Variants in CDV3 observed in about 807,000 individuals in gnomAD.
CDV3 encodes CDV3 homolog, also known as protein CDV3 homolog.
CDV3 carries 14 observed loss-of-function variants against 24.5 expected under a neutral mutation model. The observed-to-expected ratio is 0.57, with a 90% CI of 0.38 to 0.89. CDV3 has a LOEUF of 0.89. Ranked by LOEUF, CDV3 falls within the 40% of genes least tolerant of loss-of-function variation. The probability of loss-of-function intolerance (pLI) is 0.00; values close to 1 mark genes in which losing one functional copy is unlikely to be tolerated. For missense variants in CDV3, 304 were observed against 310.2 expected, an observed-to-expected ratio of 0.98 and a Z score of 0.15; for synonymous variants, 114 against 114.1, an observed-to-expected ratio of 1.00 and a Z score of 0.00.
chr3:133,579,674 C>T (rs1174940307), intron 2 of CDV3, among the ~76,000 whole-genome samples: 1 of 152,048 alleles, frequency 6.6e-6, no homozygotes, highest in Non-Finnish European at 1.5e-5. Flanking sequence ...CTCACTGCAA[C>T]CTCCACCTCC....
chr3:133,575,213 T>C, intron 2 of CDV3, 98 bp downstream of exon 2: 2 of 696,510 alleles, frequency 2.9e-6, no homozygotes, highest in South Asian at 3.3e-5. Flanking sequence ...CATAGTAGCC[T>C]TGTGCTCTAG....
intron 4 of CDV3, 77 bp from the exon 5 acceptor site, chr3:133,587,819 T>C: frequency 6.6e-7 from 1 of 1,517,104 alleles, no homozygotes; most frequent in Non-Finnish European, 8.8e-7. Flanking sequence ...GTGGCTTTTT[T>C]TTAAATTCAA....
chr3:133,576,841 C>CTTTTTTTTTGTTTTTTTTTTTT (rs2074828274), intron 2 of CDV3, among the ~76,000 whole-genome samples: 2 of 62,388 alleles, frequency 3.2e-5, no homozygotes, highest in Non-Finnish European at 5.6e-5. Flanking sequence ...GGTAGACTAG[C>CTTTTTTTTTGTTTTTTTTTTTT]TTTTTTTTTT....
At chr3:133,585,021 T>G (rs187472704) in intron 3 of CDV3, among the ~76,000 whole-genome samples, 321 of 152,322 alleles carry the variant, frequency 2.1e-3, no homozygotes, top group Non-Finnish European at 3.3e-3. Context: ...AATCTTGTTA[T>G]GCAGAAATCA....
Position 133,576,841 on chromosome 3 carries a change from CTTT to C in CDV3, c.317+1747_317+1749del, listed in dbSNP as rs370619351. On this transcript the variant is annotated intron_variant, in intron 2 of 4. Transcript: ENST00000264993. ...TCTGTTCAACCTGAAGGTAGACTAG[CTTT>C]TTTTTTTTTTTTTTTTTTTTGAGAC... is the stretch of plus-strand genomic sequence containing the variant. 4.2e-3 allele frequency among the ~76,000 whole-genome samples: 263 copies of C among 62,374 alleles called. 1 individual carries two copies. Among genetic ancestry groups the C allele is most frequent in the African/African-American group, 0.015 (216 of 14,718 alleles). 40.9% of individuals were successfully genotyped at this position (62,374 alleles called of 152,430 possible). A position where few individuals can be genotyped will look rare whatever the true frequency, so the allele number is the denominator to read the frequency against.
chr3:133,575,071 AG>A lies in CDV3; in HGVS notation c.274del (p.Glu92ArgfsTer14). 1 of 1,607,096 alleles carries A rather than the reference AG, an allele frequency of 6.2e-7. No homozygotes were observed. The highest frequency in any genetic ancestry group is 8.5e-7 in the Non-Finnish European group (1 of 1,173,616). ...ATGAATGGAAAGAATTGGAGCAAAA[AG>A]AGGTTGATTACAGCGGCCTCAGGGT... ...EDEWKELEQKEVDYSGLRVQA... is the reference protein window; with the variant it reads ...EDEWKELEQKXVDYSGLRVQA... On this transcript the variant is annotated frameshift_variant, in exon 2 of 5. Coordinates refer to ENST00000264993, the MANE Select transcript of CDV3 (RefSeq NM_017548.5). LOFTEE classifies it high-confidence loss of function.
At chr3:133,574,356 C>G in intron 1 of CDV3, 72 bp downstream of exon 1, 1 of 918,268 alleles carries the variant, frequency 1.1e-6, no homozygotes, top group Non-Finnish European at 1.3e-6. Context: ...CCCCCGCCTG[C>G]CGGGGAAGCG....
intron 2 of CDV3, among the ~76,000 whole-genome samples, chr3:133,580,125 C>A (rs2074959329): frequency 6.6e-6 from 1 of 152,000 alleles, no homozygotes; most frequent in African/African-American, 2.4e-5. Context: ...CCCCCAGTCC[C>A]CCACCCCCCA....
In CDV3 at chr3:133,575,060, T is replaced by C. The variant is rs1335136516; in HGVS notation, c.262T>C (p.Leu88=). 1 of 1,605,326 alleles carries C rather than the reference T, an allele frequency of 6.2e-7. No homozygotes were observed. Among genetic ancestry groups the C allele is most frequent in the Admixed American group, 1.7e-5 (1 of 60,000 alleles). ...ACAGGACGAAGATGAATGGAAAGAA[T>C]TGGAGCAAAAAGAGGTTGATTACAG... ...VTKDEDEWKE[L]EQKEVDYSGL... is the part of the protein sequence containing the mutation. The change falls in exon 2 of 5, where the codon TTG becomes CTG. Residue 88 remains leucine, a synonymous_variant. Coordinates refer to ENST00000264993, the MANE Select transcript of CDV3 (RefSeq NM_017548.5).
In CDV3 at chr3:133,575,132, A is replaced by AT. The variant is rs758142764; in HGVS notation, c.317+17_317+18insT. ...GCAAATAAGGTATAGTCTGGTTACA[A>AT]ATGTGTTTAGATAACCTTTGGGATA... On this transcript the variant is annotated intron_variant, in intron 2 of 4. Transcript: ENST00000264993. 2.2e-6 allele frequency: 3 copies of AT among 1,394,276 alleles called. No homozygotes were observed. Among genetic ancestry groups the AT allele is most frequent in the Non-Finnish European group, 3.1e-6 (3 of 980,684 alleles). The allele number at this position is 1,394,276 out of a possible 1,614,324, so 86.4% of individuals were successfully genotyped here.
In CDV3 at chr3:133,576,841, CTTTTTTT is replaced by C. The variant is rs370619351; in HGVS notation, c.317+1743_317+1749del. On this transcript the variant is annotated intron_variant, in intron 2 of 4. Transcript: ENST00000264993. ...TCTGTTCAACCTGAAGGTAGACTAG[CTTTTTTT>C]TTTTTTTTTTTTTTTTGAGACGAAG... 1.1e-3 allele frequency among the ~76,000 whole-genome samples: 71 copies of C among 62,392 alleles called. 3 individuals carry two copies. Among genetic ancestry groups the C allele is most frequent in the Middle Eastern group, 0.015 (1 of 66 alleles). 40.9% of individuals were successfully genotyped at this position (62,392 alleles called of 152,430 possible).
In CDV3 at chr3:133,588,502, C is replaced by T. The variant is rs542208073; in HGVS notation, c.*456C>T. ...GCTCTACTGGATTCTTATCAGAAATCCTGCATAAAAAGTCAGCCATCTGGG... is the reference window on the plus strand; with the variant it reads ...GCTCTACTGGATTCTTATCAGAAATTCTGCATAAAAAGTCAGCCATCTGGG... On this transcript the variant is annotated 3_prime_UTR_variant, in exon 5 of 5. Transcript: ENST00000264993. 3.3e-6 allele frequency: 3 copies of T among 909,842 alleles called. No individual in the cohort carries two copies. The South Asian group carries it at 4.7e-5, about 14-fold the overall frequency. The allele number at this position is 909,842 out of a possible 1,614,324, so 56.4% of individuals were successfully genotyped here. A position where few individuals can be genotyped will look rare whatever the true frequency, so the allele number is the denominator to read the frequency against.
At chr3:133,575,472 C>G (rs2074770088) in intron 2 of CDV3, among the ~76,000 whole-genome samples, 1 of 152,152 alleles carries the variant, frequency 6.6e-6, no homozygotes, top group Admixed American at 6.5e-5. Context: ...TTTTCACATC[C>G]TCTCCAATAA....
chr3:133,574,611 A>G, intron 1 of CDV3: 2 of 1,006,218 alleles, frequency 2.0e-6, no homozygotes, highest in Non-Finnish European at 2.4e-6. Flanking sequence ...TAGGCTGAGT[A>G]ATTCCGTGTG....
intron 2 of CDV3, among the ~76,000 whole-genome samples, chr3:133,576,035 C>T (rs1374246158): frequency 1.3e-5 from 2 of 152,220 alleles, no homozygotes; most frequent in African/African-American, 2.4e-5. Flanking sequence ...GAAATACTTT[C>T]CTTAACTGAA....
chr3:133,574,969 G>T, intron 1 of CDV3, 70 bp from the exon 2 acceptor site: 1 of 963,792 alleles, frequency 1.0e-6, no homozygotes, highest in East Asian at 2.4e-5. Flanking sequence ...TCCACTTTTC[G>T]TAGTGTGTTA....
Position 133,588,621 on chromosome 3 carries a change from GTTATA to G in CDV3, c.*579_*583del, listed in dbSNP as rs1365116046. 5 of 554,908 alleles carry G rather than the reference GTTATA, an allele frequency of 9.0e-6. No individual in the cohort carries two copies. Among genetic ancestry groups the G allele is most frequent in the Non-Finnish European group, 1.6e-5 (5 of 310,682 alleles). The allele number at this position is 554,908 out of a possible 1,614,324, so 34.4% of individuals were successfully genotyped here. On this transcript the variant is annotated 3_prime_UTR_variant, in exon 5 of 5. Coordinates refer to ENST00000264993, the MANE Select transcript of CDV3 (RefSeq NM_017548.5). ...GGAATACTCTCTGTAGTAGGCTGTT[GTTATA>G]TTAGACTTCCTGGAACACACTGCTG...
chr3:133,588,819 T>C lies in CDV3; in HGVS notation c.*773T>C, dbSNP rs933200788. The C allele has an allele frequency of 6.3e-6, 1 of 159,964 alleles. No homozygotes were observed. The highest frequency in any genetic ancestry group is 2.4e-5 in the African/African-American group (1 of 41,668). The allele number at this position is 159,964 out of a possible 1,614,324, so 9.9% of individuals were successfully genotyped here. On this transcript the variant is annotated 3_prime_UTR_variant, in exon 5 of 5. Transcript: ENST00000264993. The stretch of plus-strand genomic sequence containing the variant: ...GGGGTTTTTTTTTTTTGGTAATTTT[T>C]TTATTTGGATAGTGCTTTTTTGTTT...
chr3:133,583,626 G>A (rs1187612237), intron 2 of CDV3, among the ~76,000 whole-genome samples: 2 of 152,134 alleles, frequency 1.3e-5, no homozygotes, highest in African/African-American at 2.4e-5. Context: ...GCAGTGGCAC[G>A]ATCTCAGCTC....
Sources: allele counts gnomAD v4.1 joint callset (sites outside exome capture counted in the v4.1 genomes callset), GRCh38; gene constraint gnomAD v4.1.1; transcripts MANE v1.5; gene names NCBI Gene and HGNC (gene_info 2026-07-23, HGNC 2026-07-21).